ARFGEF1: variants seen among roughly 807,000 people sequenced by gnomAD.
ARFGEF1 encodes the protein ARF guanine nucleotide exchange factor 1.
A neutral mutation model predicts 231.0 loss-of-function variants in ARFGEF1; 42 were observed. The ratio of observed to expected loss-of-function variants is 0.18; its 90% CI spans 0.14 to 0.24. The LOEUF (loss-of-function observed/expected upper bound fraction) is 0.24, where lower values mean the gene tolerates loss of function less well. ARFGEF1 is among the 10% of genes least tolerant of loss of function. The pLI, the probability that ARFGEF1 is intolerant of heterozygous loss-of-function variation, is 1.00. For missense variants in ARFGEF1, 1,345 were observed against 2,192.0 expected (o/e 0.61, Z 7.72); for synonymous variants, 710 against 732.3 (o/e 0.97, Z 0.49).
At chr8:67,336,368 T>C (rs757966271) in intron 1 of ARFGEF1, among the ~76,000 whole-genome samples, 1 of 152,180 alleles carries the variant, frequency 6.6e-6, no homozygotes, top group African/African-American at 2.4e-5. Context: ...GAAATCAAAA[T>C]GGGTCTGAAA....
At chr8:67,239,204 C>A (rs1035045633) in intron 20 of ARFGEF1, among the ~76,000 whole-genome samples, 1 of 151,866 alleles carries the variant, frequency 6.6e-6, no homozygotes, top group African/African-American at 2.4e-5. Context: ...GACGGGGTTT[C>A]ACCATGTTGG....
At chr8:67,225,431 T>C (rs976173192) in intron 28 of ARFGEF1, among the ~76,000 whole-genome samples, 1 of 152,210 alleles carries the variant, frequency 6.6e-6, no homozygotes, top group African/African-American at 2.4e-5. Flanking sequence ...AAGCACCTGA[T>C]CGGTCCATGG....
chr8:67,212,049 C>G (rs887803549), intron 33 of ARFGEF1, among the ~76,000 whole-genome samples: 1 of 150,900 alleles, frequency 6.6e-6, no homozygotes, highest in Non-Finnish European at 1.5e-5. Context: ...TGGAGTCCAA[C>G]AGACCTACAC....
intron 2 of ARFGEF1, 112 bp downstream of exon 2, chr8:67,302,324 A>G: frequency 1.6e-6 from 1 of 611,492 alleles, no homozygotes; most frequent in African/African-American, 1.9e-5. Context: ...ATTTTACTAT[A>G]AAACTCACAT....
chr8:67,227,082 T>C, intron 27 of ARFGEF1, 55 bp downstream of exon 27: 1 of 1,495,462 alleles, frequency 6.7e-7, no homozygotes. Flanking sequence ...TCTGAACACG[T>C]TAAGGTTGCT....
chr8:67,266,869 A>C lies in ARFGEF1; in HGVS notation c.1921+7T>G. The C allele has an allele frequency of 6.2e-7, 1 of 1,604,978 alleles. No homozygotes were observed. Among genetic ancestry groups the C allele is most frequent in the Admixed American group, 1.7e-5 (1 of 59,090 alleles). ...ACAAAGAATTACAGCTCAAAATATC[A>C]CCTTACCAAGAGTTGTCTGGGAGTT... On this transcript the variant is annotated splice_region_variant and intron_variant, in intron 13 of 38. Transcript: ENST00000262215.
intron 8 of ARFGEF1, among the ~76,000 whole-genome samples, chr8:67,276,983 A>AT (rs1305874392): frequency 6.6e-6 from 1 of 152,186 alleles, no homozygotes; most frequent in Non-Finnish European, 1.5e-5. Flanking sequence ...TATCTTGTGA[A>AT]TATGTAATAA....
intron 1 of ARFGEF1, among the ~76,000 whole-genome samples, chr8:67,322,131 T>G (rs1028981982): frequency 6.6e-6 from 1 of 152,224 alleles, no homozygotes; most frequent in African/African-American, 2.4e-5. Flanking sequence ...CCTTTCAAGG[T>G]TGCCTCAGTC....
intron 10 of ARFGEF1, among the ~76,000 whole-genome samples, chr8:67,270,400 G>A (rs780815842): frequency 1.3e-5 from 2 of 151,984 alleles, no homozygotes; most frequent in African/African-American, 2.4e-5. Context: ...AGGATAATAT[G>A]ACTATTTTAG....
At chr8:67,317,709 G>A (rs896534919) in intron 1 of ARFGEF1, among the ~76,000 whole-genome samples, 3 of 150,684 alleles carry the variant, frequency 2.0e-5, no homozygotes, top group Non-Finnish European at 4.4e-5. Flanking sequence ...TCGGGAGTTC[G>A]AGACCAGCCC....
chr8:67,187,503 A>G (rs1391434831), intron 5 of ARFGEF1, among the ~76,000 whole-genome samples: 1 of 152,044 alleles, frequency 6.6e-6, no homozygotes, highest in Non-Finnish European at 1.5e-5. Flanking sequence ...GCAACAAAAC[A>G]ACACCTTGTC....
At chr8:67,314,821 G>T (rs1178005783) in intron 1 of ARFGEF1, among the ~76,000 whole-genome samples, 2 of 151,726 alleles carry the variant, frequency 1.3e-5, no homozygotes, top group African/African-American at 4.8e-5. Flanking sequence ...AAATCTTTGA[G>T]CCCAGGAGTT....
chr8:67,297,467 C>G (rs1212339212), intron 4 of ARFGEF1, among the ~76,000 whole-genome samples: 1 of 152,128 alleles, frequency 6.6e-6, no homozygotes, highest in Non-Finnish European at 1.5e-5. Flanking sequence ...GTGGCCCCAG[C>G]TACTTGGAAG....
At chr8:67,286,182 C>T (rs1031782046) in intron 7 of ARFGEF1, among the ~76,000 whole-genome samples, 4 of 152,070 alleles carry the variant, frequency 2.6e-5, no homozygotes, top group African/African-American at 4.8e-5. Context: ...TGTATACAAC[C>T]GATTTTCAAA....
chr8:67,297,800 G>GTT (rs11320985), intron 4 of ARFGEF1, among the ~76,000 whole-genome samples: 17 of 142,346 alleles, frequency 1.2e-4, no homozygotes, highest in Middle Eastern at 3.6e-3. Flanking sequence ...TGATCAACCC[G>GTT]TTTTTTTTTT....
chr8:67,240,402 T>G, intron 19 of ARFGEF1, 112 bp from the exon 20 acceptor site: 1 of 1,067,954 alleles, frequency 9.4e-7, no homozygotes. Context: ...TTCTTGGCAG[T>G]TATCTAGAAA....
intron 30 of ARFGEF1, among the ~76,000 whole-genome samples, chr8:67,218,508 T>A (rs1050531651): frequency 1.3e-4 from 19 of 151,680 alleles, no homozygotes; most frequent in African/African-American, 4.6e-4. Flanking sequence ...TGACAGAACA[T>A]GAAAGGGAAA....
At chr8:67,187,507 C>G (rs1005053816) in intron 5 of ARFGEF1, among the ~76,000 whole-genome samples, 1 of 152,026 alleles carries the variant, frequency 6.6e-6, no homozygotes, top group African/African-American at 2.4e-5. Context: ...CAAAACAACA[C>G]CTTGTCTCTA....
chr8:67,193,647 CT>C (rs1463596610), downstream of ARFGEF1: 1 of 1,540,750 alleles, frequency 6.5e-7, no homozygotes, highest in East Asian at 2.3e-5. Context: ...CCTGTATGAA[CT>C]TTTAAACTTT....
Sources: allele counts gnomAD v4.1 joint callset (sites outside exome capture counted in the v4.1 genomes callset), GRCh38; gene constraint gnomAD v4.1.1; transcripts MANE v1.5; gene names NCBI Gene and HGNC (gene_info 2026-07-23, HGNC 2026-07-21).